CPNE4: variants seen among roughly 807,000 people sequenced by gnomAD.
CPNE4 encodes copine-4.
CPNE4 carries 25 observed loss-of-function variants against 67.9 expected under a neutral mutation model. The observed-to-expected ratio is 0.37, with a 90% confidence interval of 0.27 to 0.51. The LOEUF (loss-of-function observed/expected upper bound fraction) is 0.51, where lower values mean the gene tolerates loss of function less well. Ranked by LOEUF, CPNE4 falls within the 20% of genes least tolerant of loss-of-function variation. The pLI is 0.93. For missense variants in CPNE4, 464 were observed against 690.8 expected (o/e 0.67, Z 3.68); for synonymous variants, 242 against 244.9 (o/e 0.99, Z 0.11).
At chr3:131,709,825 G>A (rs1056216108) in intron 3 of CPNE4, among the ~76,000 whole-genome samples, 2 of 152,218 alleles carry the variant, frequency 1.3e-5, no homozygotes, top group African/African-American at 2.4e-5. Context: ...TCTTCCCTCT[G>A]CCTGGAACAC....
chr3:131,605,735 A>C (rs1272377923), intron 7 of CPNE4, among the ~76,000 whole-genome samples: 1 of 152,134 alleles, frequency 6.6e-6, no homozygotes. Context: ...GGAAGAAAAA[A>C]CTATAAGTCT....
chr3:131,940,007 T>A (rs2071339441), intron 1 of CPNE4, among the ~76,000 whole-genome samples: 1 of 152,090 alleles, frequency 6.6e-6, no homozygotes, highest in East Asian at 1.9e-4. Context: ...TTTGTGCTCA[T>A]GTTTGTCCCC....
chr3:131,753,857 T>A (rs906079253), intron 2 of CPNE4, among the ~76,000 whole-genome samples: 4 of 152,126 alleles, frequency 2.6e-5, no homozygotes, highest in Non-Finnish European at 5.9e-5. Flanking sequence ...GGGCAAACTA[T>A]TAGCAACATC....
intron 1 of CPNE4, among the ~76,000 whole-genome samples, chr3:131,928,152 G>C (rs2070948646): frequency 6.6e-6 from 1 of 152,048 alleles, no homozygotes; most frequent in Non-Finnish European, 1.5e-5. Flanking sequence ...GAAACAGGAA[G>C]GATTATGTTT....
chr3:131,545,214 G>A (rs1048391044), intron 14 of CPNE4, among the ~76,000 whole-genome samples: 2 of 151,964 alleles, frequency 1.3e-5, no homozygotes, highest in Admixed American at 1.3e-4. Context: ...ATCTTCATAT[G>A]TCACAAAATA....
intron 11 of CPNE4, among the ~76,000 whole-genome samples, chr3:131,560,000 T>A (rs1377875235): frequency 1.3e-5 from 2 of 152,088 alleles, no homozygotes; most frequent in African/African-American, 2.4e-5. Context: ...ATATTTTTTT[T>A]AAAAGTACAT....
intron 1 of CPNE4, among the ~76,000 whole-genome samples, chr3:132,003,780 G>A (rs2073517451): frequency 1.3e-5 from 2 of 152,036 alleles, no homozygotes; most frequent in Non-Finnish European, 1.5e-5. Context: ...ATTGGGATCT[G>A]GGAAAGTAAA....
intron 12 of CPNE4, among the ~76,000 whole-genome samples, chr3:131,554,268 TG>T (rs1335572434): frequency 6.6e-6 from 1 of 152,076 alleles, no homozygotes; most frequent in Non-Finnish European, 1.5e-5. Flanking sequence ...AGCTTATTCT[TG>T]TATCGGTCAT....
intron 2 of CPNE4, among the ~76,000 whole-genome samples, chr3:131,801,363 T>C (rs1442125944): frequency 5.8e-5 from 8 of 137,608 alleles, no homozygotes; most frequent in Admixed American, 4.6e-4. Flanking sequence ...ACCATATATA[T>C]ATATGTACCA....
intron 1 of CPNE4, among the ~76,000 whole-genome samples, chr3:132,023,125 G>A (rs999485003): frequency 6.6e-6 from 1 of 152,146 alleles, no homozygotes; most frequent in Non-Finnish European, 1.5e-5. Flanking sequence ...AAAATGAGGG[G>A]AAAGGGCTGT....
intron 1 of CPNE4, among the ~76,000 whole-genome samples, chr3:132,011,032 C>T (rs1221556862): frequency 6.6e-6 from 1 of 152,188 alleles, no homozygotes; most frequent in East Asian, 1.9e-4. Context: ...AGCTTGGAAA[C>T]CATCTCCTCT....
chr3:131,536,601 A>G (rs1935158946), intron 15 of CPNE4, among the ~76,000 whole-genome samples: 2 of 152,244 alleles, frequency 1.3e-5, no homozygotes, highest in African/African-American at 2.4e-5. Flanking sequence ...TAGAGGCAAA[A>G]GAGAAAAGAA....
chr3:132,017,221 T>C (rs2073906105), intron 1 of CPNE4, among the ~76,000 whole-genome samples: 2 of 151,348 alleles, frequency 1.3e-5, no homozygotes, highest in African/African-American at 4.9e-5. Flanking sequence ...AGCAGATGGA[T>C]ATAAAGGAAG....
chr3:131,634,097 T>C (rs1397461391), intron 7 of CPNE4, among the ~76,000 whole-genome samples: 3 of 152,172 alleles, frequency 2.0e-5, no homozygotes, highest in Non-Finnish European at 4.4e-5. Flanking sequence ...CATATTGATC[T>C]CAATTAATTT....
At chr3:131,667,832 A>G (rs1460981609) in intron 7 of CPNE4, among the ~76,000 whole-genome samples, 1 of 152,090 alleles carries the variant, frequency 6.6e-6, no homozygotes, top group African/African-American at 2.4e-5. Flanking sequence ...TCCTCCTCAT[A>G]AAAAGTTTAA....
intron 1 of CPNE4, among the ~76,000 whole-genome samples, chr3:131,948,205 C>A (rs1025626386): frequency 2.6e-5 from 4 of 151,938 alleles, no homozygotes; most frequent in Non-Finnish European, 5.9e-5. Context: ...CCCCATAGTC[C>A]CCACATGTCA....
intron 7 of CPNE4, among the ~76,000 whole-genome samples, chr3:131,595,534 T>C (rs754310796): frequency 7.9e-5 from 12 of 152,202 alleles, no homozygotes; most frequent in Non-Finnish European, 1.5e-4. Flanking sequence ...AGCATGGTGC[T>C]GCCATCTGCT....
intron 1 of CPNE4, among the ~76,000 whole-genome samples, chr3:131,999,860 A>C (rs2073385273): frequency 6.6e-6 from 1 of 152,072 alleles, no homozygotes; most frequent in South Asian, 2.1e-4. Flanking sequence ...CAAATAATTC[A>C]CACAGGTAAA....
At chr3:131,599,190 A>G (rs1939066980) in intron 7 of CPNE4, among the ~76,000 whole-genome samples, 1 of 152,246 alleles carries the variant, frequency 6.6e-6, no homozygotes, top group Non-Finnish European at 1.5e-5. Context: ...AACATTTGAC[A>G]CAAAATTAGT....
Sources: gnomAD v4.1 joint callset for allele counts (sites outside exome capture counted in the v4.1 genomes callset) on GRCh38, gnomAD v4.1.1 for gene constraint, MANE v1.5 for transcripts, NCBI Gene and HGNC (gene_info 2026-07-23, HGNC 2026-07-21) for gene names.